TENM3: variants seen among roughly 807,000 people sequenced by gnomAD.
TENM3 encodes the protein teneurin transmembrane protein 3.
Under a neutral mutation model 255.1 loss-of-function variants are expected in TENM3, and 63 were observed. That is an observed-to-expected ratio of 0.25 (90% CI 0.20 to 0.30). The LOEUF (loss-of-function observed/expected upper bound fraction) is 0.30. Among genes scored for constraint, TENM3 ranks in the 10% least tolerant of loss-of-function variants. The probability of loss-of-function intolerance (pLI) is 1.00; values close to 1 mark genes in which losing one functional copy is unlikely to be tolerated. For missense variants in TENM3, 2,929 were observed against 3,461.1 expected (o/e 0.85, Z 3.86); for synonymous variants, 1,306 against 1,322.3 (o/e 0.99, Z 0.27).
chr4:182,386,928 G>C (rs1767983346), intron 3 of TENM3, among the ~76,000 whole-genome samples: 1 of 152,242 alleles, frequency 6.6e-6, no homozygotes, highest in Non-Finnish European at 1.5e-5. Flanking sequence ...AAGGGCTGAG[G>C]AGTGCGAGCA....
At chr4:181,534,471 C>G in the TENM3 span, among the ~76,000 whole-genome samples, 286 of 103,636 alleles carry the variant, frequency 2.8e-3, no homozygotes, top group Admixed American at 5.0e-3. Flanking sequence ...GGTCTTCCCC[C>G]CCCCCACAGA....
At chr4:181,634,958 C>T in the TENM3 span, among the ~76,000 whole-genome samples, 6 of 151,930 alleles carry the variant, frequency 3.9e-5, no homozygotes, top group Admixed American at 3.3e-4. Flanking sequence ...TTTTTTTCAT[C>T]TGCTAGGGGA....
At chr4:181,672,377 G>C in the TENM3 span, among the ~76,000 whole-genome samples, 1 of 152,104 alleles carries the variant, frequency 6.6e-6, no homozygotes, top group Admixed American at 6.6e-5. Flanking sequence ...ACAAAAAGTA[G>C]AAAATTAACA....
At chr4:182,471,936 A>G (rs1262825680) in intron 3 of TENM3, among the ~76,000 whole-genome samples, 1 of 151,836 alleles carries the variant, frequency 6.6e-6, no homozygotes, top group Admixed American at 6.6e-5. Context: ...AGTTCTCTGG[A>G]CTCTCCCTCT....
chr4:182,714,442 G>T lies in TENM3; in HGVS notation c.2368+209G>T, dbSNP rs113006061. 2.8e-3 allele frequency among the ~76,000 whole-genome samples: 432 copies of T among 152,004 alleles called. 1 individual carries two copies. Among genetic ancestry groups the T allele is most frequent in the African/African-American group, 9.9e-3 (412 of 41,410 alleles). On this transcript the variant is annotated intron_variant, in intron 13 of 27. Coordinates refer to ENST00000511685, the MANE Select transcript of TENM3 (RefSeq NM_001080477.4). ...ACAAATGCAAGATTATTATCATTCA[G>T]GGAAAAGGCAAGGTAACCAAGCTAC...
chr4:181,677,566 T>C, the TENM3 span, among the ~76,000 whole-genome samples: 1 of 152,154 alleles, frequency 6.6e-6, no homozygotes, highest in African/African-American at 2.4e-5. Flanking sequence ...TGGGACAACA[T>C]AGCCTCCTAG....
chr4:182,270,143 G>T (rs1178230049), intron 1 of TENM3, among the ~76,000 whole-genome samples: 1 of 152,158 alleles, frequency 6.6e-6, no homozygotes, highest in Non-Finnish European at 1.5e-5. Flanking sequence ...TGTAGACGAA[G>T]CCTCCGGGTA....
At chr4:181,929,882 A>T in the TENM3 span, among the ~76,000 whole-genome samples, 1 of 152,332 alleles carries the variant, frequency 6.6e-6, no homozygotes, top group Admixed American at 6.5e-5. Context: ...CCCATTCAAA[A>T]CTGCACAACT....
At chr4:182,725,419 C>CT (rs1043317715) in intron 13 of TENM3, among the ~76,000 whole-genome samples, 1 of 151,874 alleles carries the variant, frequency 6.6e-6, no homozygotes, top group African/African-American at 2.4e-5. Flanking sequence ...GCTTCTATTT[C>CT]TTTGAGAGAG....
the TENM3 span, among the ~76,000 whole-genome samples, chr4:181,871,336 G>T: frequency 1.3e-5 from 2 of 151,982 alleles, no homozygotes; most frequent in Non-Finnish European, 2.9e-5. Context: ...TCAATTTGAA[G>T]AAAAATGGCT....
Position 182,697,532 on chromosome 4 carries a change from AGAAAT to A in TENM3, c.2221+9182_2221+9186del, listed in dbSNP as rs1757518991. ...CAAGTCCCAGTGATTCTCAGTAATA[AGAAAT>A]TTGATGGACAGAGGGGATAGAGATC... On this transcript the variant is annotated intron_variant, in intron 12 of 27. Transcript: ENST00000511685. Among the ~76,000 whole-genome samples the A allele has an allele frequency of 7.2e-5, 11 of 152,228 alleles. No individual in the cohort carries two copies. The South Asian group carries it at 2.3e-3, about 32-fold the overall frequency.
chr4:182,582,273 A>G (rs1176399118), intron 3 of TENM3, among the ~76,000 whole-genome samples: 1 of 152,216 alleles, frequency 6.6e-6, no homozygotes, highest in Non-Finnish European at 1.5e-5. Flanking sequence ...TGCCTGGAAC[A>G]AAAATGACAA....
the TENM3 span, among the ~76,000 whole-genome samples, chr4:182,046,711 TAA>T: frequency 1.3e-5 from 2 of 152,046 alleles, no homozygotes; most frequent in African/African-American, 4.8e-5. Flanking sequence ...GCCCAGGTGA[TAA>T]AATGAGGCCC....
chr4:181,914,158 C>T, the TENM3 span, among the ~76,000 whole-genome samples: 1 of 152,248 alleles, frequency 6.6e-6, no homozygotes, highest in Non-Finnish European at 1.5e-5. Context: ...CTCCCATTGC[C>T]TGAAGACTTC....
the TENM3 span, among the ~76,000 whole-genome samples, chr4:181,740,877 C>T: frequency 7.9e-5 from 12 of 152,128 alleles, no homozygotes; most frequent in Non-Finnish European, 1.5e-5. Context: ...GCTGTACCTA[C>T]TGTTTCAAAT....
At chr4:181,686,116 G>A in the TENM3 span, among the ~76,000 whole-genome samples, 4,098 of 152,138 alleles carry the variant, frequency 0.027, 95 homozygotes, top group Non-Finnish European at 0.038. Flanking sequence ...ATCTTTGTAG[G>A]CGAAGTGTAA....
chr4:181,763,217 A>C, the TENM3 span, among the ~76,000 whole-genome samples: 1 of 152,204 alleles, frequency 6.6e-6, no homozygotes, highest in South Asian at 2.1e-4. Context: ...GAATTGTTGC[A>C]TAAGGTCAAG....
chr4:182,488,843 C>T (rs990222728), intron 3 of TENM3, among the ~76,000 whole-genome samples: 1 of 151,858 alleles, frequency 6.6e-6, no homozygotes, highest in Non-Finnish European at 1.5e-5. Flanking sequence ...TTTAAAAGTT[C>T]TAGGAGAATG....
chr4:182,062,403 A>C, the TENM3 span, among the ~76,000 whole-genome samples: 1 of 152,210 alleles, frequency 6.6e-6, no homozygotes, highest in African/African-American at 2.4e-5. Context: ...CAGCGATAAA[A>C]TCCATCAATG....
Sources: gnomAD v4.1 joint callset for allele counts (sites outside exome capture counted in the v4.1 genomes callset) on GRCh38, gnomAD v4.1.1 for gene constraint, MANE v1.5 for transcripts, NCBI Gene and HGNC (gene_info 2026-07-23, HGNC 2026-07-21) for gene names.